Variants in DACH1 observed in about 807,000 individuals in gnomAD.
DACH1 encodes dachshund homolog 1.
Under a neutral mutation model 54.2 loss-of-function variants are expected in DACH1, and 12 were observed. That is an observed-to-expected ratio of 0.22 (90% CI 0.14 to 0.36). The LOEUF (loss-of-function observed/expected upper bound fraction) is 0.36, where lower values mean the gene tolerates loss of function less well. Ranked by LOEUF, DACH1 falls within the 10% of genes least tolerant of loss-of-function variation. DACH1 has a pLI of 1.00. For synonymous variants in DACH1, 386 were observed against 366.2 expected, an observed-to-expected ratio of 1.05 and a Z score of -0.62; for missense variants, 805 against 929.8, an observed-to-expected ratio of 0.87 and a Z score of 1.75.
intron 1 of DACH1, among the ~76,000 whole-genome samples, chr13:71,711,983 C>A (rs1042138686): frequency 6.6e-6 from 1 of 152,002 alleles, no homozygotes; most frequent in Non-Finnish European, 1.5e-5. Context: ...GATCAATAAA[C>A]AAATGAGCAT....
intron 10 of DACH1, among the ~76,000 whole-genome samples, chr13:71,462,163 G>C (rs1196473029): frequency 6.6e-6 from 1 of 151,772 alleles, no homozygotes; most frequent in African/African-American, 2.4e-5. Flanking sequence ...TACTATCTCT[G>C]GAGTGTGATT....
intron 1 of DACH1, among the ~76,000 whole-genome samples, chr13:71,683,753 T>C (rs959979559): frequency 6.6e-6 from 1 of 152,140 alleles, no homozygotes; most frequent in Non-Finnish European, 1.5e-5. Context: ...AACAGCCCTC[T>C]GATAGTATCC....
intron 1 of DACH1, among the ~76,000 whole-genome samples, chr13:71,855,893 TA>T (rs57410796): frequency 0.078 from 11,871 of 151,976 alleles, 1,275 homozygotes; most frequent in East Asian, 0.56. Flanking sequence ...AGAAATTGAT[TA>T]AAAAGTACAA....
intron 8 of DACH1, among the ~76,000 whole-genome samples, chr13:71,476,661 C>T (rs1877547442): frequency 1.3e-5 from 2 of 151,880 alleles, no homozygotes; most frequent in Admixed American, 1.3e-4. Context: ...GATTATGAAA[C>T]ATTTTTCTCC....
At chr13:71,452,587 A>G (rs1240207108) in intron 10 of DACH1, among the ~76,000 whole-genome samples, 1 of 152,178 alleles carries the variant, frequency 6.6e-6, no homozygotes, top group African/African-American at 2.4e-5. Context: ...CAGTGTTCTC[A>G]TGATAAGTAT....
chr13:71,469,090 T>C (rs1427439963), intron 10 of DACH1, among the ~76,000 whole-genome samples: 1 of 152,118 alleles, frequency 6.6e-6, no homozygotes. Context: ...ACAAGGACTT[T>C]GAAGTCATAA....
chr13:71,578,848 T>G (rs1283151071), intron 3 of DACH1, among the ~76,000 whole-genome samples: 1 of 152,138 alleles, frequency 6.6e-6, no homozygotes, highest in East Asian at 1.9e-4. Context: ...ATTTGGAGGT[T>G]CTGGGTAAAA....
chr13:71,618,515 T>A (rs17088347), intron 3 of DACH1, among the ~76,000 whole-genome samples: 1 of 152,048 alleles, frequency 6.6e-6, no homozygotes, highest in African/African-American at 2.4e-5. Context: ...TTGTTGTGCA[T>A]CAATGGCAAT....
At chr13:71,707,565 C>A (rs988088255) in intron 1 of DACH1, among the ~76,000 whole-genome samples, 1 of 152,040 alleles carries the variant, frequency 6.6e-6, no homozygotes, top group Admixed American at 6.6e-5. Flanking sequence ...AGAAGCAGAA[C>A]AAAGGCATGA....
rs777857813 is a variant in DACH1 at position 71,681,807 on chromosome 13, T to C, written c.952A>G (p.Ile318Val). 2 of 1,613,166 alleles carry C rather than the reference T, an allele frequency of 1.2e-6. No homozygotes were observed. Among genetic ancestry groups the C allele is most frequent in the East Asian group, 2.2e-5 (1 of 44,856 alleles). Residue 318 changes from isoleucine (I) to valine (V), a missense_variant, in exon 2 of 11, where the codon ATT becomes GTT. Around this residue, in one of 3 missense-constraint regions of DACH1, gnomAD observed 472 missense variants for 545.3 expected, o/e 0.87. Transcript: ENST00000613252. The stretch of plus-strand genomic sequence containing the variant: ...GTAGCAGTCTTACCTGTTGGTGGAA[T>C]TATCCCAGGAGACATGAGACCAGGG... ...SVPGLMSPGI[I>V]PPTGLTAAAA...
At chr13:71,753,818 T>G (rs958052597) in intron 1 of DACH1, among the ~76,000 whole-genome samples, 3 of 152,220 alleles carry the variant, frequency 2.0e-5, no homozygotes, top group Non-Finnish European at 4.4e-5. Context: ...CCCCTAAAGC[T>G]GCCAAGAGCT....
At chr13:71,455,544 T>C (rs1342884936) in intron 10 of DACH1, among the ~76,000 whole-genome samples, 1 of 152,120 alleles carries the variant, frequency 6.6e-6, no homozygotes, top group Admixed American at 6.6e-5. Context: ...TAATTCGAAA[T>C]AGTTTAATTC....
chr13:71,533,854 AT>A (rs2138312623), intron 6 of DACH1, among the ~76,000 whole-genome samples: 1 of 152,028 alleles, frequency 6.6e-6, no homozygotes, highest in Non-Finnish European at 1.5e-5. Flanking sequence ...ATCAGTATGT[AT>A]TTTTTATTGG....
chr13:71,842,307 T>C (rs1349096997), intron 1 of DACH1, among the ~76,000 whole-genome samples: 1 of 152,104 alleles, frequency 6.6e-6, no homozygotes, highest in African/African-American at 2.4e-5. Flanking sequence ...TCGGGCGTGG[T>C]GGCTCACACC....
At chr13:71,651,680 CTGTATATGTATA>C (rs57138100) in intron 2 of DACH1, among the ~76,000 whole-genome samples, 6,507 of 121,796 alleles carry the variant, frequency 0.053, 214 homozygotes, top group Non-Finnish European at 0.072. Context: ...GTATCTGTAT[CTGTATATGTATA>C]TGTATATGTA....
chr13:71,736,341 T>C (rs931235334), intron 1 of DACH1, among the ~76,000 whole-genome samples: 1 of 152,196 alleles, frequency 6.6e-6, no homozygotes, highest in Non-Finnish European at 1.5e-5. Context: ...TACTGCAGCA[T>C]ACCTTCACTA....
chr13:71,769,332 A>C (rs1355390873), intron 1 of DACH1, among the ~76,000 whole-genome samples: 1 of 151,768 alleles, frequency 6.6e-6, no homozygotes, highest in Admixed American at 6.6e-5. Flanking sequence ...AAAGTGCCAA[A>C]AATAGACCCT....
At chr13:71,556,423 C>T (rs947333574) in intron 6 of DACH1, among the ~76,000 whole-genome samples, 1 of 151,918 alleles carries the variant, frequency 6.6e-6, no homozygotes, top group South Asian at 2.1e-4. Flanking sequence ...AATATGCTGA[C>T]TAAAATATTT....
Position 71,866,334 on chromosome 13 carries a change from T to C in DACH1, c.436A>G (p.Ser146Gly), listed in dbSNP as rs1320268816. The C allele has an allele frequency of 3.3e-6, 5 of 1,531,954 alleles. No individual in the cohort carries two copies. Among genetic ancestry groups the C allele is most frequent in the African/African-American group, 1.4e-5 (1 of 72,632 alleles). The allele number at this position is 1,531,954 out of a possible 1,614,324, so 94.9% of individuals were successfully genotyped here. A position where few individuals can be genotyped will look rare whatever the true frequency, so the allele number is the denominator to read the frequency against. Residue 146 changes from serine (S) to glycine (G), a missense_variant, in exon 1 of 11, where the codon AGC (serine) becomes GGC (glycine). Transcript: ENST00000613252. ...CTACTGCTGCTGCTGCTGCTGCTGC[T>C]ACTGCTGCTGCTGCTGCTGCCGGTG... ...ASTGSSSSSS[S>G]SSSSSSSSSS...
Sources: allele counts gnomAD v4.1 joint callset (sites outside exome capture counted in the v4.1 genomes callset), GRCh38; gene constraint gnomAD v4.1.1; regional missense constraint gnomAD v4.1.1; transcripts MANE v1.5; gene names NCBI Gene and HGNC (gene_info 2026-07-23, HGNC 2026-07-21).